The following FTCDNL1 variants were observed in gnomAD, a reference collection of about 807,000 sequenced individuals.
FTCDNL1 encodes the protein formiminotransferase cyclodeaminase N-terminal like, also known as formiminotransferase N-terminal subdomain-containing protein.
A neutral mutation model predicts 5.9 loss-of-function variants in FTCDNL1; 11 were observed. The observed-to-expected ratio is 1.87, with a 90% confidence interval of 1.18 to 3.10. The LOEUF (loss-of-function observed/expected upper bound fraction) is 3.10. FTCDNL1 is among the 30% of genes most tolerant of loss of function. The pLI, the probability that FTCDNL1 is intolerant of heterozygous loss-of-function variation, is 0.00. For synonymous variants in FTCDNL1, 58 were observed against 24.8 expected (o/e 2.34, Z -3.99); for missense variants, 115 against 65.5 (o/e 1.76, Z -2.61).
intron 3 of FTCDNL1, among the ~76,000 whole-genome samples, chr2:199,795,763 G>A (rs1700141863): frequency 6.6e-6 from 1 of 152,150 alleles, no homozygotes; most frequent in Admixed American, 6.5e-5. Context: ...CCTCTGTGCT[G>A]ACCTCCAAGC....
chr2:199,701,447 C>A, the FTCDNL1 span, among the ~76,000 whole-genome samples: 3 of 151,554 alleles, frequency 2.0e-5, no homozygotes, highest in African/African-American at 7.3e-5. Flanking sequence ...CCATTAGACC[C>A]AGAATCCCAT....
chr2:199,704,369 T>C, the FTCDNL1 span, among the ~76,000 whole-genome samples: 1 of 152,086 alleles, frequency 6.6e-6, no homozygotes, highest in African/African-American at 2.4e-5. Flanking sequence ...CCCTACATGG[T>C]CCTGCTGCCC....
chr2:199,715,103 T>C, the FTCDNL1 span, among the ~76,000 whole-genome samples: 1 of 151,884 alleles, frequency 6.6e-6, no homozygotes, highest in Non-Finnish European at 1.5e-5. Context: ...TAAAAAATAA[T>C]AATAATTAAA....
chr2:199,700,762 A>C, the FTCDNL1 span, among the ~76,000 whole-genome samples: 2 of 152,234 alleles, frequency 1.3e-5, no homozygotes, highest in Non-Finnish European at 2.9e-5. Context: ...GATCTTTGAC[A>C]AATTGACAAT....
At chr2:199,791,627 T>C (rs188804550) in intron 3 of FTCDNL1, among the ~76,000 whole-genome samples, 1 of 152,316 alleles carries the variant, frequency 6.6e-6, no homozygotes, top group Non-Finnish European at 1.5e-5. Context: ...GAATTGGTCA[T>C]TTTATGTGTT....
chr2:199,715,300 A>G, the FTCDNL1 span, among the ~76,000 whole-genome samples: 3,509 of 152,116 alleles, frequency 0.023, 140 homozygotes, highest in African/African-American at 0.079. Flanking sequence ...CCCAAATCTC[A>G]TCTTGAACTG....
At chr2:199,746,634 G>A in the FTCDNL1 span, among the ~76,000 whole-genome samples, 64 of 151,600 alleles carry the variant, frequency 4.2e-4, no homozygotes, top group African/African-American at 1.4e-3. Flanking sequence ...TTTGAAAATC[G>A]ATGATAATCT....
At chr2:199,703,310 A>G in the FTCDNL1 span, among the ~76,000 whole-genome samples, 1 of 151,890 alleles carries the variant, frequency 6.6e-6, no homozygotes, top group Non-Finnish European at 1.5e-5. Context: ...TAAGGTAGGC[A>G]CCAGCTCATG....
chr2:199,699,662 C>T, the FTCDNL1 span, among the ~76,000 whole-genome samples: 1 of 152,118 alleles, frequency 6.6e-6, no homozygotes, highest in South Asian at 2.1e-4. Flanking sequence ...AAAATACTAA[C>T]AAACCAAATC....
chr2:199,797,443 A>G (rs1044936946), intron 3 of FTCDNL1, among the ~76,000 whole-genome samples: 1 of 152,214 alleles, frequency 6.6e-6, no homozygotes, highest in African/African-American at 2.4e-5. Flanking sequence ...TTTAAAATCA[A>G]AGAAATCTGT....
chr2:199,825,971 A>AGCCATAACTTAG (rs1702004831), intron 3 of FTCDNL1, among the ~76,000 whole-genome samples: 1 of 152,182 alleles, frequency 6.6e-6, no homozygotes, highest in African/African-American at 2.4e-5. Flanking sequence ...TTCTGGTCAC[A>AGCCATAACTTAG]TGTATGTGCT....
At chr2:199,729,541 A>G in the FTCDNL1 span, among the ~76,000 whole-genome samples, 1 of 152,200 alleles carries the variant, frequency 6.6e-6, no homozygotes, top group Non-Finnish European at 1.5e-5. Flanking sequence ...AATCACAAGC[A>G]TTTCTATACA....
chr2:199,747,581 G>A, the FTCDNL1 span, among the ~76,000 whole-genome samples: 1 of 132,564 alleles, frequency 7.5e-6, no homozygotes, highest in Admixed American at 9.6e-5. Flanking sequence ...AATCTACTGT[G>A]TGTGACAAAG....
At chr2:199,804,473 T>C (rs1700621922), downstream of FTCDNL1, among the ~76,000 whole-genome samples, 1 of 152,242 alleles carries the variant, frequency 6.6e-6, no homozygotes, top group Non-Finnish European at 1.5e-5. Context: ...TGATGGAATA[T>C]GCTACTACGC....
chr2:199,675,396 T>G, the FTCDNL1 span, among the ~76,000 whole-genome samples: 1 of 152,214 alleles, frequency 6.6e-6, no homozygotes, highest in Non-Finnish European at 1.5e-5. Context: ...ATATTCAATA[T>G]GCTGTACTTT....
the FTCDNL1 span, among the ~76,000 whole-genome samples, chr2:199,739,779 A>G: frequency 1.3e-5 from 2 of 152,240 alleles, no homozygotes; most frequent in Non-Finnish European, 2.9e-5. Flanking sequence ...ATGCTGCCAT[A>G]AAGTCCCCGT....
intron 3 of FTCDNL1, among the ~76,000 whole-genome samples, chr2:199,797,759 T>C (rs1329887389): frequency 1.3e-5 from 2 of 152,180 alleles, no homozygotes; most frequent in Non-Finnish European, 2.9e-5. Context: ...AAAGACTCCA[T>C]AGAATAAATT....
At chr2:199,768,337 TGA>T (rs1464378076) in intron 3 of FTCDNL1, among the ~76,000 whole-genome samples, 1 of 152,054 alleles carries the variant, frequency 6.6e-6, no homozygotes, top group Admixed American at 6.6e-5. Flanking sequence ...TATTCCCCCG[TGA>T]GTTATTACTA....
intron 3 of FTCDNL1, among the ~76,000 whole-genome samples, chr2:199,831,808 G>A (rs1487884110): frequency 6.6e-6 from 1 of 152,118 alleles, no homozygotes; most frequent in South Asian, 2.1e-4. Flanking sequence ...AATCAGGCAA[G>A]GTCTAATAAA....
Sources: allele counts gnomAD v4.1 joint callset (sites outside exome capture counted in the v4.1 genomes callset), GRCh38; gene constraint gnomAD v4.1.1; transcripts MANE v1.5; gene names NCBI Gene and HGNC (gene_info 2026-07-23, HGNC 2026-07-21).